Variants in ARHGEF11 observed in about 807,000 individuals in gnomAD.
ARHGEF11 encodes the protein Rho guanine nucleotide exchange factor 11, also known as Rho guanine exchange factor (GEF) 11.
ARHGEF11 carries 55 observed loss-of-function variants against 193.7 expected under a neutral mutation model. The ratio of observed to expected loss-of-function variants is 0.28; its 90% confidence interval spans 0.23 to 0.36. The LOEUF (loss-of-function observed/expected upper bound fraction) is 0.36, where lower values mean the gene tolerates loss of function less well. Among genes scored for constraint, ARHGEF11 ranks in the 10% least tolerant of loss-of-function variants. The pLI is 1.00. For missense variants in ARHGEF11, 1,723 were observed against 2,005.6 expected (o/e 0.86, Z 2.69); for synonymous variants, 693 against 768.0 (o/e 0.90, Z 1.62).
chr1:156,957,022 G>A (rs1478012366), intron 18 of ARHGEF11, among the ~76,000 whole-genome samples: 1 of 152,112 alleles, frequency 6.6e-6, no homozygotes, highest in Non-Finnish European at 1.5e-5. Flanking sequence ...CCTCTGCCAA[G>A]GTACACTGCC....
intron 1 of ARHGEF11, among the ~76,000 whole-genome samples, chr1:157,029,635 C>A (rs1270733015): frequency 6.6e-6 from 1 of 152,190 alleles, no homozygotes; most frequent in African/African-American, 2.4e-5. Flanking sequence ...AGCAATTCCC[C>A]TCCTAGGTAT....
In ARHGEF11 at chr1:156,935,702, T is replaced by C. The variant is rs1654919670; in HGVS notation, c.*298A>G. 2 of 395,420 alleles carry C rather than the reference T, an allele frequency of 5.1e-6. No homozygotes were observed. The highest frequency in any genetic ancestry group is 6.6e-4 in the Middle Eastern group (1 of 1,504). 24.5% of individuals were successfully genotyped at this position (395,420 alleles called of 1,614,324 possible). A position where few individuals can be genotyped will look rare whatever the true frequency, so the allele number is the denominator to read the frequency against. ...ATACAGGCGTGCGCGTGTACACACATATGTGGGGTGAGGGCAGACCATGGT... is the reference window on the plus strand; with the variant it reads ...ATACAGGCGTGCGCGTGTACACACACATGTGGGGTGAGGGCAGACCATGGT... On this transcript the variant is annotated 3_prime_UTR_variant, in exon 41 of 41. Coordinates refer to ENST00000368194, the MANE Select transcript of ARHGEF11 (RefSeq NM_198236.3).
At chr1:156,991,710 ATTTTT>A (rs57140356) in intron 1 of ARHGEF11, among the ~76,000 whole-genome samples, 4 of 83,966 alleles carry the variant, frequency 4.8e-5, no homozygotes, top group African/African-American at 1.7e-4. Flanking sequence ...TTTCAAGCTT[ATTTTT>A]TTTTTTTTTT....
At chr1:156,960,001 C>G (rs1242115306) in intron 15 of ARHGEF11, among the ~76,000 whole-genome samples, 1 of 135,810 alleles carries the variant, frequency 7.4e-6, no homozygotes, top group Non-Finnish European at 1.5e-5. Context: ...GAGGATGGAG[C>G]GAGGCCCTAG....
chr1:156,988,329 C>T (rs1428849621), intron 1 of ARHGEF11, among the ~76,000 whole-genome samples: 1 of 152,192 alleles, frequency 6.6e-6, no homozygotes, highest in African/African-American at 2.4e-5. Context: ...GTCCTCCTTT[C>T]ACTTGCTATG....
chr1:156,959,162 A>C lies in ARHGEF11; in HGVS notation c.1283-20T>G. The C allele has an allele frequency of 1.9e-6, 3 of 1,610,588 alleles. No individual in the cohort carries two copies. Among genetic ancestry groups the C allele is most frequent in the Non-Finnish European group, 2.5e-6 (3 of 1,177,202 alleles). Reference sequence around the variant, plus strand: ...GCGAGTCTGTAGTGGGAGATCAGAGAAAGCAGAGTGGATGGGGTACTGGGG... The same window carrying C: ...GCGAGTCTGTAGTGGGAGATCAGAGCAAGCAGAGTGGATGGGGTACTGGGG... On this transcript the variant is annotated intron_variant, in intron 15 of 40. Transcript: ENST00000368194.
intron 1 of ARHGEF11, among the ~76,000 whole-genome samples, chr1:156,997,773 CA>C (rs1666729306): frequency 6.6e-6 from 1 of 151,432 alleles, no homozygotes. Flanking sequence ...TAAAATATCT[CA>C]ATAACTTTTT....
At chr1:157,007,187 GA>G (rs1667930062) in intron 1 of ARHGEF11, among the ~76,000 whole-genome samples, 2 of 151,896 alleles carry the variant, frequency 1.3e-5, no homozygotes, top group South Asian at 4.1e-4. Context: ...GACATGAGAT[GA>G]AAAAACAAAA....
Position 156,939,776 on chromosome 1 carries a change from G to A in ARHGEF11, c.3868C>T (p.Pro1290Ser), listed in dbSNP as rs1486417022. ...VISVTSHPWD[P>S]GSPGQAPPGG... ...GGGGGTGCTTGCCCTGGGGAGCCTG[G>A]GTCCCAGGGGTGAGAGGTGACGCTG... Residue 1290 changes from proline to serine, a missense_variant, in exon 37 of 41, where the codon CCA becomes TCA. Physicochemically the swap from Pro to Ser is moderately conservative, Grantham distance 74. Coordinates refer to ENST00000368194, the MANE Select transcript of ARHGEF11 (RefSeq NM_198236.3). 6.2e-7 allele frequency: 1 copy of A among 1,613,812 alleles called. No individual in the cohort carries two copies. The highest frequency in any genetic ancestry group is 1.7e-5 in the Admixed American group (1 of 59,980).
Position 156,939,703 on chromosome 1 carries a change from C to G in ARHGEF11, c.3941G>C (p.Arg1314Pro). 6.2e-7 allele frequency: 1 copy of G among 1,614,122 alleles called. No individual in the cohort carries two copies. The highest frequency in any genetic ancestry group is 8.5e-7 in the Non-Finnish European group (1 of 1,180,016). The change falls in exon 37 of 41, where the codon CGG becomes CCG. Residue 1314 changes from arginine to proline, a missense_variant. Coordinates refer to ENST00000368194, the MANE Select transcript of ARHGEF11 (RefSeq NM_198236.3). ...NTQLAGLEGERPEQEDMGLCS... is the reference protein window; with the variant it reads ...NTQLAGLEGEPPEQEDMGLCS... ...GAGACCCATGTCTTCCTGCTCTGGC[C>G]GTTCCCCCTCCAGCCCTGCAAGCTG...
At chr1:156,960,350 G>T in intron 15 of ARHGEF11, 68 bp downstream of exon 15, 3 of 1,511,988 alleles carry the variant, frequency 2.0e-6, no homozygotes, top group Non-Finnish European at 2.8e-6. Context: ...CTGTCCTCTG[G>T]AGCCTCCTGA....
intron 1 of ARHGEF11, among the ~76,000 whole-genome samples, chr1:157,042,429 T>C (rs116163368): frequency 0.013 from 1,945 of 152,234 alleles, 38 homozygotes; most frequent in African/African-American, 0.044. Flanking sequence ...ATGAAAGAGC[T>C]ACAGATTCAG....
chr1:157,030,779 T>C lies in ARHGEF11; in HGVS notation c.32+13520A>G, dbSNP rs201964712. On this transcript the variant is annotated intron_variant, in intron 1 of 40. Transcript: ENST00000368194. Reference sequence around the variant, plus strand: ...TGAGCATGCTTCCCTATCTATAAAATGGGAATGAAAATCCTTGCCCTGGAC... The same window carrying C: ...TGAGCATGCTTCCCTATCTATAAAACGGGAATGAAAATCCTTGCCCTGGAC... Among the ~76,000 whole-genome samples, 6 of 152,216 alleles carry C rather than the reference T, an allele frequency of 3.9e-5. No individual in the cohort carries two copies. In the East Asian group the frequency reaches 1.2e-3, roughly 29 times the overall value.
chr1:156,973,094 T>TTTTA (rs1289834358), intron 7 of ARHGEF11, among the ~76,000 whole-genome samples: 3 of 152,288 alleles, frequency 2.0e-5, no homozygotes, highest in Admixed American at 6.5e-5. Flanking sequence ...TCTGATTTTA[T>TTTTA]TTTATTTATT....
At chr1:157,001,923 C>T (rs1028861277) in intron 1 of ARHGEF11, among the ~76,000 whole-genome samples, 3 of 152,228 alleles carry the variant, frequency 2.0e-5, no homozygotes, top group Non-Finnish European at 4.4e-5. Flanking sequence ...ATTTGACTCA[C>T]AATTCACGCA....
chr1:156,957,954 A>G (rs927377787), intron 17 of ARHGEF11, 139 bp from the exon 18 acceptor site: 4 of 759,806 alleles, frequency 5.3e-6, no homozygotes, highest in African/African-American at 5.1e-5. Context: ...CGTCTGATGC[A>G]CAAGTATTTG....
chr1:156,952,465 G>C (rs1330436906), intron 21 of ARHGEF11, among the ~76,000 whole-genome samples: 2 of 152,206 alleles, frequency 1.3e-5, no homozygotes, highest in Non-Finnish European at 2.9e-5. Context: ...AACTAGCTCA[G>C]TTCTGAGCCC....
At chr1:156,936,650 A>G (rs992755248) in intron 40 of ARHGEF11, among the ~76,000 whole-genome samples, 166 bp downstream of exon 40, 4 of 151,530 alleles carry the variant, frequency 2.6e-5, no homozygotes, top group Non-Finnish European at 5.9e-5. Context: ...CTTCTGTGGG[A>G]CTTCCCTAAA....
Position 156,943,147 on chromosome 1 carries a change from G to A in ARHGEF11, c.3236-367C>T, listed in dbSNP as rs558357805. Reference sequence around the variant, plus strand: ...GCCATCTTGGCTCACTGCAACCTGCGCCTCCCGGGTTCAAGTGATTCTCCT... The same window carrying A: ...GCCATCTTGGCTCACTGCAACCTGCACCTCCCGGGTTCAAGTGATTCTCCT... On this transcript the variant is annotated intron_variant, in intron 32 of 40. Coordinates refer to ENST00000368194, the MANE Select transcript of ARHGEF11 (RefSeq NM_198236.3). Among the ~76,000 whole-genome samples the A allele has an allele frequency of 1.0e-4, 15 of 149,792 alleles. No individual in the cohort carries two copies. In the South Asian group the frequency reaches 2.1e-3, roughly 21 times the overall value.
Sources: allele counts gnomAD v4.1 joint callset (sites outside exome capture counted in the v4.1 genomes callset), GRCh38; gene constraint gnomAD v4.1.1; transcripts MANE v1.5; gene names NCBI Gene and HGNC (gene_info 2026-07-23, HGNC 2026-07-21).